The following RYR2 variants were observed in gnomAD, a reference collection of about 807,000 sequenced individuals.
RYR2 encodes ryanodine receptor 2.
In RYR2, 227 loss-of-function variants were observed where a neutral mutation model predicts 601.1. The observed-to-expected ratio is 0.38, with a 90% CI of 0.34 to 0.42. RYR2 has a LOEUF of 0.42. RYR2 is among the 10% of genes least tolerant of loss of function. RYR2 has a pLI of 1.00. For missense variants in RYR2, 4,646 were observed against 6,156.5 expected, an observed-to-expected ratio of 0.75 and a Z score of 8.21; for synonymous variants, 2,223 against 2,175.1, an observed-to-expected ratio of 1.02 and a Z score of -0.61.
At chr1:237,718,561 T>A in intron 73 of RYR2, 40 bp downstream of exon 73, 2 of 1,019,686 alleles carry the variant, frequency 2.0e-6, no homozygotes, top group Non-Finnish European at 3.1e-6. Flanking sequence ...TTACTACCTA[T>A]ACATTAGTTA....
intron 63 of RYR2, among the ~76,000 whole-genome samples, chr1:237,697,921 T>C (rs1469371238): frequency 6.6e-6 from 1 of 152,278 alleles, no homozygotes. Context: ...AAATACCTTA[T>C]TTTTTCTTAT....
intron 1 of RYR2, among the ~76,000 whole-genome samples, chr1:237,156,222 A>G (rs1167267711): frequency 1.3e-5 from 2 of 152,210 alleles, no homozygotes; most frequent in African/African-American, 4.8e-5. Flanking sequence ...CTATTCTCAG[A>G]AAGTTCTAGA....
At chr1:237,362,653 C>T (rs1386786007) in intron 4 of RYR2, among the ~76,000 whole-genome samples, 1 of 152,082 alleles carries the variant, frequency 6.6e-6, no homozygotes, top group Non-Finnish European at 1.5e-5. Flanking sequence ...CTTTGAATGT[C>T]TCCTGATGCT....
intron 1 of RYR2, among the ~76,000 whole-genome samples, chr1:237,262,058 G>T (rs1688578498): frequency 6.6e-6 from 1 of 151,912 alleles, no homozygotes; most frequent in Admixed American, 6.6e-5. Context: ...TCTTTTAAAT[G>T]ATGAATGACT....
chr1:237,785,628 G>T (rs1230398381), intron 90 of RYR2, among the ~76,000 whole-genome samples: 3 of 152,334 alleles, frequency 2.0e-5, no homozygotes, highest in East Asian at 1.9e-4. Flanking sequence ...ATGGTTTAAA[G>T]TAGTTAGATA....
intron 56 of RYR2, among the ~76,000 whole-genome samples, chr1:237,664,506 C>T (rs1684111287): frequency 6.6e-6 from 1 of 152,216 alleles, no homozygotes; most frequent in Non-Finnish European, 1.5e-5. Flanking sequence ...GCACATCTCA[C>T]ATGGTGGTAG....
In RYR2 at chr1:237,223,303, G is replaced by A. The variant is rs551999464; in HGVS notation, c.49-47194G>A. Among the ~76,000 whole-genome samples the A allele has an allele frequency of 1.1e-4, 17 of 152,312 alleles. No individual in the cohort carries two copies. The South Asian group carries it at 3.1e-3, about 28-fold the overall frequency. The stretch of plus-strand genomic sequence containing the variant: ...TGTGTCCTCGCATGGCTAAAGGTGG[G>A]CAAGAGACATGAAGCCTCTTTTACA... On this transcript the variant is annotated intron_variant, in intron 1 of 104. Transcript: ENST00000366574.
intron 1 of RYR2, among the ~76,000 whole-genome samples, chr1:237,183,741 C>T (rs1286830365): frequency 1.3e-5 from 2 of 152,142 alleles, no homozygotes; most frequent in Non-Finnish European, 2.9e-5. Context: ...CACACATGAA[C>T]ACAATATTTT....
At position 237,330,789 on chromosome 1, in the gene RYR2, A is replaced by G. The variant is rs557282363; in HGVS notation, c.169-89A>G. 21 of 934,220 alleles carry G rather than the reference A, an allele frequency of 2.2e-5. No individual in the cohort carries two copies. The East Asian group carries it at 3.2e-4, about 14-fold the overall frequency. 57.9% of individuals were successfully genotyped at this position (934,220 alleles called of 1,614,324 possible). ...TAGAAAGTTGACAAATACTGTTTCT[A>G]TGAAAGAAACTGGAGCCTCCTAAGG... is the stretch of plus-strand genomic sequence containing the variant. On this transcript the variant is annotated intron_variant, in intron 2 of 104. Coordinates refer to ENST00000366574, the MANE Select transcript of RYR2 (RefSeq NM_001035.3).
At chr1:237,203,620 A>G (rs1415729347) in intron 1 of RYR2, among the ~76,000 whole-genome samples, 1 of 152,226 alleles carries the variant, frequency 6.6e-6, no homozygotes, top group Non-Finnish European at 1.5e-5. Flanking sequence ...CTTGACCTCC[A>G]GGTAAATAGG....
At position 237,708,011 on chromosome 1, in the gene RYR2, A is replaced by T. The variant is rs565293739; in HGVS notation, c.9901+742A>T. Among the ~76,000 whole-genome samples, 431 of 146,698 alleles carry T rather than the reference A, an allele frequency of 2.9e-3. 1 individual carries two copies. The highest frequency in any genetic ancestry group is 4.6e-3 in the Non-Finnish European group (308 of 67,338). On this transcript the variant is annotated intron_variant, in intron 68 of 104. Transcript: ENST00000366574. ...TCGCCAGGCTGGTCTCGAACTCCTG[A>T]CCTCAGGTGATCCACCCACCTCGGC... is the stretch of plus-strand genomic sequence containing the variant.
chr1:237,386,305 G>A (rs1357305708), intron 8 of RYR2, among the ~76,000 whole-genome samples: 4 of 152,166 alleles, frequency 2.6e-5, no homozygotes, highest in Admixed American at 2.6e-4. Flanking sequence ...CTTGAGAATA[G>A]TATCTTTATG....
rs568898606 is a variant in RYR2, at chr1:237,257,696, A to C, written c.49-12801A>C. 3.3e-5 allele frequency among the ~76,000 whole-genome samples: 5 copies of C among 152,296 alleles called. No individual in the cohort carries two copies. In the South Asian group the frequency reaches 8.3e-4, roughly 25 times the overall value. On this transcript the variant is annotated intron_variant, in intron 1 of 104. Coordinates refer to ENST00000366574, the MANE Select transcript of RYR2 (RefSeq NM_001035.3). ...CAGTGAGCAAGGAAACAGTTGAGTA[A>C]ACTAAGCAGTTATAGAGTGTGATGC...
intron 10 of RYR2, among the ~76,000 whole-genome samples, chr1:237,408,795 C>T (rs1704159625): frequency 6.6e-6 from 1 of 152,098 alleles, no homozygotes; most frequent in South Asian, 2.1e-4. Flanking sequence ...AATATTGAGT[C>T]TTCCTATCCA....
rs1467878129 is a variant in RYR2, at chr1:237,674,129, A to G, written c.8624A>G (p.Asp2875Gly). Residue 2875 changes from aspartate to glycine, a missense_variant, in exon 59 of 105, where the codon GAT (aspartate) becomes GGT (glycine). Physicochemically the swap from Asp to Gly is moderately conservative, Grantham distance 94. Coordinates refer to ENST00000366574, the MANE Select transcript of RYR2 (RefSeq NM_001035.3). ...GGNHPLLVPY[D>G]TLTAKEKAKD... ...AACCATCCTCTGCTGGTGCCCTATG[A>G]TACACTGACAGCCAAAGAGAAAGCC... 1.2e-6 allele frequency: 2 copies of G among 1,612,122 alleles called. No individual in the cohort carries two copies. Among genetic ancestry groups the G allele is most frequent in the Non-Finnish European group, 1.7e-6 (2 of 1,178,282 alleles).
chr1:237,726,444 T>G (rs1247942409), intron 75 of RYR2, 136 bp downstream of exon 75: 1 of 646,728 alleles, frequency 1.5e-6, no homozygotes, highest in African/African-American at 1.9e-5. Flanking sequence ...ATAACTTGCT[T>G]GCATCATTTA....
rs200314485 is a variant in RYR2 at position 237,753,921 on chromosome 1, GTT to G, written c.11146-2352_11146-2351del. Among the ~76,000 whole-genome samples the G allele has an allele frequency of 1.6e-3, 224 of 138,406 alleles. 2 individuals carry two copies. The highest frequency in any genetic ancestry group is 5.5e-3 in the African/African-American group (210 of 38,522). 90.8% of individuals were successfully genotyped at this position (138,406 alleles called of 152,430 possible). ...AAAATTTTCTGGTTTAGCTTTCAGA[GTT>G]TTTTTTTTTTTTTTAATTTATAATA... is the stretch of plus-strand genomic sequence containing the variant. On this transcript the variant is annotated intron_variant, in intron 80 of 104. Transcript: ENST00000366574.
intron 10 of RYR2, among the ~76,000 whole-genome samples, chr1:237,402,431 G>A (rs1176885098): frequency 3.3e-5 from 5 of 151,268 alleles, no homozygotes; most frequent in Non-Finnish European, 7.4e-5. Flanking sequence ...TGATTATTAT[G>A]TTCTAAGAAT....
chr1:237,626,752 T>C (rs998640021), intron 40 of RYR2, among the ~76,000 whole-genome samples: 6 of 151,920 alleles, frequency 3.9e-5, no homozygotes, highest in Non-Finnish European at 8.8e-5. Flanking sequence ...TTTTATATTT[T>C]TAGTAGAGAC....
Sources: allele counts gnomAD v4.1 joint callset (sites outside exome capture counted in the v4.1 genomes callset), GRCh38; gene constraint gnomAD v4.1.1; transcripts MANE v1.5; gene names NCBI Gene and HGNC (gene_info 2026-07-23, HGNC 2026-07-21).